The following ODAPH variants were observed in gnomAD, a reference collection of about 807,000 sequenced individuals.
The protein encoded by ODAPH is amelogenesis imperfecta type IIA4.
A neutral mutation model predicts 2.8 loss-of-function variants in ODAPH; 2 were observed. That is an observed-to-expected ratio of 0.72 (90% CI 0.30 to 2.28). ODAPH has a LOEUF of 2.28. Among genes scored for constraint, ODAPH ranks in the 30% most tolerant of loss-of-function variants. The probability of loss-of-function intolerance (pLI) is 0.13; values close to 1 mark genes in which losing one functional copy is unlikely to be tolerated. For synonymous variants in ODAPH, 75 were observed against 60.3 expected, an observed-to-expected ratio of 1.24 and a Z score of -1.13; for missense variants, 159 against 163.3, an observed-to-expected ratio of 0.97 and a Z score of 0.14.
At chr4:75,556,262 C>A in intron 1 of ODAPH, 113 bp downstream of exon 1, 2 of 1,076,310 alleles carry the variant, frequency 1.9e-6, no homozygotes, top group Admixed American at 2.0e-5. Flanking sequence ...TTTACCTCAG[C>A]TTCCATCAGC....
intron 1 of ODAPH, among the ~76,000 whole-genome samples, chr4:75,559,953 G>T (rs1727493636): frequency 1.3e-5 from 2 of 152,282 alleles, no homozygotes; most frequent in South Asian, 4.1e-4. Context: ...ATGTTGCAAA[G>T]GGTTTTAACC....
chr4:75,556,123 G>C lies in ODAPH; in HGVS notation c.41G>C (p.Cys14Ser). ...RHCFSYWLLV[C>S]WLVVTVAEGQ... ...TGCTTCTCCTACTGGTTACTGGTATGCTGGTTGGTGGTAACTGTGGCAGAA... is the reference window on the plus strand; with the variant it reads ...TGCTTCTCCTACTGGTTACTGGTATCCTGGTTGGTGGTAACTGTGGCAGAA... The change falls in exon 1 of 2, where the codon TGC becomes TCC. Residue 14 changes from cysteine (C) to serine (S), a missense_variant. By Grantham distance (112) the Cys-to-Ser change is moderately radical. Coordinates refer to ENST00000311623, the MANE Select transcript of ODAPH (RefSeq NM_178497.5). 6.2e-7 allele frequency: 1 copy of C among 1,614,188 alleles called. No homozygotes were observed. Among genetic ancestry groups the C allele is most frequent in the Non-Finnish European group, 8.5e-7 (1 of 1,180,022 alleles).
intron 1 of ODAPH, among the ~76,000 whole-genome samples, chr4:75,556,987 C>T (rs1727361038): frequency 6.6e-6 from 1 of 152,140 alleles, no homozygotes; most frequent in South Asian, 2.1e-4. Flanking sequence ...CAGCCAAACC[C>T]TGCTCATCCC....
rs1208645424 is a variant in ODAPH at position 75,564,353 on chromosome 4, C to G, written c.307C>G (p.Pro103Ala). ...GTGTAACCACCGTTTTCCATTCCAG[C>G]CATTTTATTGGCCACACCGTTACCT... ...SRCNHRFPFQ[P>A]FYWPHRYLTY... is the part of the protein sequence containing the mutation. Residue 103 changes from proline to alanine, a missense_variant, in exon 2 of 2, where the codon CCA becomes GCA. Coordinates refer to ENST00000311623, the MANE Select transcript of ODAPH (RefSeq NM_178497.5). 6.2e-7 allele frequency: 1 copy of G among 1,614,030 alleles called. No homozygotes were observed. Among genetic ancestry groups the G allele is most frequent in the South Asian group, 1.1e-5 (1 of 91,078 alleles).
chr4:75,557,084 A>G (rs910532310), intron 1 of ODAPH, among the ~76,000 whole-genome samples: 6 of 152,090 alleles, frequency 3.9e-5, no homozygotes, highest in Admixed American at 3.9e-4. Flanking sequence ...GAACACTCAG[A>G]AACCCCCTGA....
chr4:75,561,795 C>T (rs1166212294), intron 1 of ODAPH, among the ~76,000 whole-genome samples: 2 of 151,390 alleles, frequency 1.3e-5, no homozygotes, highest in Admixed American at 6.6e-5. Flanking sequence ...TGCAGTGAGC[C>T]GAGATCTCAC....
At chr4:75,563,934 C>A (rs891354638) in intron 1 of ODAPH, among the ~76,000 whole-genome samples, 180 bp from the exon 2 acceptor site, 2 of 152,186 alleles carry the variant, frequency 1.3e-5, no homozygotes, top group African/African-American at 4.8e-5. Flanking sequence ...CCCACAGTGG[C>A]AATGCTGGGT....
chr4:75,560,838 C>A (rs1054185266), intron 1 of ODAPH, among the ~76,000 whole-genome samples: 1 of 152,168 alleles, frequency 6.6e-6, no homozygotes, highest in Non-Finnish European at 1.5e-5. Context: ...TGGTTTTTAA[C>A]AGCTGGAGCA....
At position 75,556,191 on chromosome 4, in the gene ODAPH, A is replaced by G. The variant is rs1437978024; in HGVS notation, c.67+42A>G. On this transcript the variant is annotated intron_variant, in intron 1 of 1. Transcript: ENST00000311623. ...TATTCTACTGTGGGTCCACTAATTA[A>G]TAAGTTGTAGGAAAAGACAAAACTG... The G allele has an allele frequency of 6.3e-6, 10 of 1,587,226 alleles. No individual in the cohort carries two copies. In the South Asian group the frequency reaches 9.9e-5, roughly 16 times the overall value.
chr4:75,565,354 T>C (rs1727771751), downstream of ODAPH: 1 of 152,230 alleles, frequency 6.6e-6, no homozygotes, highest in Admixed American at 6.5e-5. Flanking sequence ...TGACTTCAAC[T>C]GATGCAAATT....
chr4:75,557,284 T>G (rs1727373209), intron 1 of ODAPH, among the ~76,000 whole-genome samples: 1 of 152,240 alleles, frequency 6.6e-6, no homozygotes, highest in Admixed American at 6.5e-5. Flanking sequence ...CAGGAGGCTT[T>G]GTAAACACAT....
Position 75,564,653 on chromosome 4 carries a change from C to G in ODAPH, c.*214C>G. The G allele has an allele frequency of 1.0e-6, 1 of 960,154 alleles. No homozygotes were observed. The highest frequency in any genetic ancestry group is 1.5e-6 in the Non-Finnish European group (1 of 662,486). 59.5% of individuals were successfully genotyped at this position (960,154 alleles called of 1,614,324 possible). Reference sequence around the variant, plus strand: ...TGGTTGCAAAATTGGACAATAACCACGTTATTTTTATCCTCAACCTCTTAT... The same window carrying G: ...TGGTTGCAAAATTGGACAATAACCAGGTTATTTTTATCCTCAACCTCTTAT... On this transcript the variant is annotated 3_prime_UTR_variant, in exon 2 of 2. Transcript: ENST00000311623.
At chr4:75,565,643 A>G (rs905375843), downstream of ODAPH, 3 of 152,302 alleles carry the variant, frequency 2.0e-5, no homozygotes, top group Admixed American at 6.5e-5. Context: ...TGTTTATGCC[A>G]CTTATCTTGC....
At position 75,564,138 on chromosome 4, in the gene ODAPH, C is replaced by T; in HGVS notation, c.92C>T (p.Pro31Leu). The T allele has an allele frequency of 6.2e-7, 1 of 1,614,168 alleles. No homozygotes were observed. Among genetic ancestry groups the T allele is most frequent in the Non-Finnish European group, 8.5e-7 (1 of 1,180,028 alleles). Residue 31 changes from proline to leucine, a missense_variant, in exon 2 of 2, where the codon CCT becomes CTT. Transcript: ENST00000311623. ...AEGQEEVFTPPGDSQNNADAT... is the reference protein window; with the variant it reads ...AEGQEEVFTPLGDSQNNADAT... Reference sequence around the variant, plus strand: ...GGACAAGAAGAGGTATTTACGCCTCCTGGAGATTCACAAAATAATGCGGAC... The same window carrying T: ...GGACAAGAAGAGGTATTTACGCCTCTTGGAGATTCACAAAATAATGCGGAC...
intron 1 of ODAPH, among the ~76,000 whole-genome samples, chr4:75,561,716 G>A (rs867095232): frequency 3.9e-5 from 6 of 151,994 alleles, no homozygotes; most frequent in African/African-American, 7.2e-5. Context: ...GCGTGGTGGC[G>A]GGCACCTGTA....
At chr4:75,556,659 G>A in intron 1 of ODAPH, 2 of 1,096,340 alleles carry the variant, frequency 1.8e-6, no homozygotes, top group Non-Finnish European at 2.7e-6. Context: ...ACAGAGGTGG[G>A]CACAGGTTTC....
At chr4:75,562,214 G>C (rs984861317) in intron 1 of ODAPH, among the ~76,000 whole-genome samples, 3 of 152,150 alleles carry the variant, frequency 2.0e-5, no homozygotes, top group Admixed American at 2.0e-4. Context: ...ATGAGGGACT[G>C]TGGACATAGG....
rs1260504052 is a variant in ODAPH at position 75,564,358 on chromosome 4, T to C, written c.312T>C (p.Phe104=). ...ACCACCGTTTTCCATTCCAGCCATTTTATTGGCCACACCGTTACCTTACTT... is the reference window on the plus strand; with the variant it reads ...ACCACCGTTTTCCATTCCAGCCATTCTATTGGCCACACCGTTACCTTACTT... ...RCNHRFPFQP[F]YWPHRYLTYR... is the part of the protein sequence containing the mutation. Residue 104 remains phenylalanine (F), a synonymous_variant, in exon 2 of 2, where the codon TTT becomes TTC. Transcript: ENST00000311623. The C allele has an allele frequency of 6.2e-7, 1 of 1,614,192 alleles. No individual in the cohort carries two copies. Among genetic ancestry groups the C allele is most frequent in the East Asian group, 2.2e-5 (1 of 44,876 alleles).
At position 75,556,106 on chromosome 4, in the gene ODAPH, C is replaced by T. The variant is rs1242766621; in HGVS notation, c.24C>T (p.Ser8=). ...CCATGGCTCGCAGACACTGCTTCTC[C>T]TACTGGTTACTGGTATGCTGGTTGG... is the stretch of plus-strand genomic sequence containing the variant. MARRHCF[S]YWLLVCWLVV... is the part of the protein sequence containing the mutation. Residue 8 remains serine (S), a synonymous_variant, in exon 1 of 2, where the codon TCC becomes TCT. Coordinates refer to ENST00000311623, the MANE Select transcript of ODAPH (RefSeq NM_178497.5). The T allele has an allele frequency of 1.2e-6, 2 of 1,614,070 alleles. No individual in the cohort carries two copies. The highest frequency in any genetic ancestry group is 8.5e-7 in the Non-Finnish European group (1 of 1,180,032).
Sources: allele counts gnomAD v4.1 joint callset (sites outside exome capture counted in the v4.1 genomes callset), GRCh38; gene constraint gnomAD v4.1.1; transcripts MANE v1.5; gene names NCBI Gene and HGNC (gene_info 2026-07-23, HGNC 2026-07-21).